SGSM2: variants seen among roughly 807,000 people sequenced by gnomAD.
The protein encoded by SGSM2 is RUN and TBC1 domain containing 1.
SGSM2 carries 89 observed loss-of-function variants against 126.6 expected under a neutral mutation model. The observed-to-expected ratio is 0.70, with a 90% CI of 0.59 to 0.84. The LOEUF is 0.84. Ranked by LOEUF, SGSM2 falls within the 40% of genes least tolerant of loss-of-function variation. The probability of loss-of-function intolerance (pLI) is 0.00; values close to 1 mark genes in which losing one functional copy is unlikely to be tolerated. For missense variants in SGSM2, 1,404 were observed against 1,416.6 expected (o/e 0.99, Z 0.14); for synonymous variants, 614 against 574.3 (o/e 1.07, Z -0.99).
Position 2,362,245 on chromosome 17 carries a change from G to T in SGSM2, c.433G>T (p.Val145Leu). Residue 145 changes from valine (V) to leucine (L), a missense_variant, in exon 4 of 24, where the codon GTG becomes TTG. Coordinates refer to ENST00000268989, the MANE Select transcript of SGSM2 (RefSeq NM_014853.3). The surrounding 1 kb of genome is among the most constrained non-coding windows in gnomAD (Gnocchi z 4.9). The part of the protein sequence containing the change: ...ALIEKVLDKV[V>L]QYLAENCSKY... ...CATCGAGAAAGTTCTGGACAAGGTCGTGCAATACCTGGCGGAAAACTGCAG... is the reference window on the plus strand; with the variant it reads ...CATCGAGAAAGTTCTGGACAAGGTCTTGCAATACCTGGCGGAAAACTGCAG... The T allele has an allele frequency of 6.2e-7, 1 of 1,612,652 alleles. No individual in the cohort carries two copies. The highest frequency in any genetic ancestry group is 8.5e-7 in the Non-Finnish European group (1 of 1,179,534).
At chr17:2,344,080 G>T (rs1043242602) in intron 2 of SGSM2, among the ~76,000 whole-genome samples, 13 of 152,116 alleles carry the variant, frequency 8.5e-5, no homozygotes, top group African/African-American at 3.1e-4. Flanking sequence ...TTTCCCACCC[G>T]TGTTGCTCCA....
intron 12 of SGSM2, among the ~76,000 whole-genome samples, chr17:2,368,637 G>T (rs2151599852): frequency 6.6e-6 from 1 of 152,258 alleles, no homozygotes; most frequent in East Asian, 1.9e-4. Context: ...CCCTCCTACT[G>T]CCAGGCGCCT....
chr17:2,357,609 T>G (rs2065135510), intron 2 of SGSM2, among the ~76,000 whole-genome samples: 1 of 152,194 alleles, frequency 6.6e-6, no homozygotes, highest in Non-Finnish European at 1.5e-5. Flanking sequence ...GCAATTCTTC[T>G]GCCTCAACCT....
At chr17:2,369,949 G>A (rs975525464) in intron 12 of SGSM2, among the ~76,000 whole-genome samples, 1 of 152,178 alleles carries the variant, frequency 6.6e-6, no homozygotes, top group Admixed American at 6.5e-5. Flanking sequence ...TGGAGCTGAA[G>A]GGCCAGATAT....
Position 2,380,687 on chromosome 17 carries a change from G to A in SGSM2, c.*1167G>A. The A allele has an allele frequency of 3.2e-6, 1 of 316,680 alleles. No individual in the cohort carries two copies. The highest frequency in any genetic ancestry group is 6.1e-6 in the Non-Finnish European group (1 of 164,760). The allele number at this position is 316,680 out of a possible 1,614,324, so 19.6% of individuals were successfully genotyped here. A position where few individuals can be genotyped will look rare whatever the true frequency, so the allele number is the denominator to read the frequency against. Reference sequence around the variant, plus strand: ...CACTTCCTCCTCTACCCCAACACATGCAGGCTAGGCCTTGCCCTGGAACAT... The same window carrying A: ...CACTTCCTCCTCTACCCCAACACATACAGGCTAGGCCTTGCCCTGGAACAT... On this transcript the variant is annotated 3_prime_UTR_variant, in exon 24 of 24. Transcript: ENST00000268989.
chr17:2,350,736 G>C (rs973091459), intron 2 of SGSM2, among the ~76,000 whole-genome samples: 1 of 152,216 alleles, frequency 6.6e-6, no homozygotes, highest in Non-Finnish European at 1.5e-5. Flanking sequence ...AGGAACGAGA[G>C]GAAGGCAGGG....
rs777283994 is a variant in SGSM2 at position 2,364,165 on chromosome 17, ACTC to A, written c.916_918del (p.Ser306del). On this transcript the variant is annotated inframe_deletion, in exon 8 of 24. Coordinates refer to ENST00000268989, the MANE Select transcript of SGSM2 (RefSeq NM_014853.3). Reference sequence around the variant, plus strand: ...CAGCTCATGAATGGGACTCTGGGGGACTCCGAGCTGGAAAAGAGGTGGGGGCTT... The same window carrying A: ...CAGCTCATGAATGGGACTCTGGGGGACGAGCTGGAAAAGAGGTGGGGGCTT... 84 of 1,613,524 alleles carry A rather than the reference ACTC, an allele frequency of 5.2e-5. No homozygotes were observed. Among genetic ancestry groups the A allele is most frequent in the Non-Finnish European group, 7.0e-5 (83 of 1,179,946 alleles).
rs767629912 is a variant in SGSM2 at position 2,363,025 on chromosome 17, C to T, written c.563C>T (p.Thr188Ile). 5 of 1,614,054 alleles carry T rather than the reference C, an allele frequency of 3.1e-6. No individual in the cohort carries two copies. The highest frequency in any genetic ancestry group is 4.2e-6 in the Non-Finnish European group (5 of 1,180,048). Reference sequence around the variant, plus strand: ...GCCTTGGAATACACTAAGCTCAAGACAGCCGATCACTACTGGACTGACCCC... The same window carrying T: ...GCCTTGGAATACACTAAGCTCAAGATAGCCGATCACTACTGGACTGACCCC... Reference protein sequence around the residue: ...PCALEYTKLKTADHYWTDPSA... With the variant: ...PCALEYTKLKIADHYWTDPSA... Residue 188 changes from threonine to isoleucine, a missense_variant, in exon 6 of 24, where the codon ACA becomes ATA. Coordinates refer to ENST00000268989, the MANE Select transcript of SGSM2 (RefSeq NM_014853.3). The surrounding 1 kb of genome is among the most constrained non-coding windows in gnomAD (Gnocchi z 4.2).
chr17:2,347,475 T>C (rs2064650199), intron 2 of SGSM2, among the ~76,000 whole-genome samples: 1 of 151,768 alleles, frequency 6.6e-6, no homozygotes. Flanking sequence ...CTTTGATATA[T>C]CCTTTTATCC....
intron 2 of SGSM2, among the ~76,000 whole-genome samples, chr17:2,351,074 A>T (rs1050400776): frequency 5.9e-5 from 9 of 152,064 alleles, no homozygotes; most frequent in Admixed American, 5.9e-4. Context: ...CCATCATGGT[A>T]AAACCCCTTC....
rs777105277 is a variant in SGSM2 at position 2,375,842 on chromosome 17, G to A, written c.2451G>A (p.Glu817=). Residue 817 remains glutamate (E), a synonymous_variant, in exon 18 of 24, where the codon GAG becomes GAA. Coordinates refer to ENST00000268989, the MANE Select transcript of SGSM2 (RefSeq NM_014853.3). The stretch of plus-strand genomic sequence containing the variant: ...AGGCCGGAGAACTGGAGGCCGGAGA[G>A]GAGCTTGCGGCTGTGTGTGCGGCTG... ...KPQAGELEAG[E]ELAAVCAAAY... 6.5e-6 allele frequency: 10 copies of A among 1,534,354 alleles called. No individual in the cohort carries two copies. The Admixed American group carries it at 9.8e-5, about 15-fold the overall frequency.
chr17:2,341,690 C>T (rs1159646827), intron 1 of SGSM2, among the ~76,000 whole-genome samples: 1 of 152,208 alleles, frequency 6.6e-6, no homozygotes, highest in African/African-American at 2.4e-5. Flanking sequence ...ACTAGGACTG[C>T]CTGCTAGCAG....
chr17:2,367,611 G>A lies in SGSM2; in HGVS notation c.1423+206G>A, dbSNP rs1160513192. Among the ~76,000 whole-genome samples the A allele has an allele frequency of 6.6e-6, 1 of 152,236 alleles. No homozygotes were observed. Reference sequence around the variant, plus strand: ...GAAAAGGGGCTGGCCCAGGGCAGGTGGCTCCAGGCTGTGAGGAGGAAGAGG... The same window carrying A: ...GAAAAGGGGCTGGCCCAGGGCAGGTAGCTCCAGGCTGTGAGGAGGAAGAGG... On this transcript the variant is annotated intron_variant, in intron 12 of 23. Transcript: ENST00000268989. The surrounding 1 kb of genome is among the most constrained non-coding windows in gnomAD (Gnocchi z 4.0).
In SGSM2 at chr17:2,363,437, G is replaced by A. The variant is rs1035681502; in HGVS notation, c.673-28G>A. On this transcript the variant is annotated intron_variant, in intron 6 of 23. Coordinates refer to ENST00000268989, the MANE Select transcript of SGSM2 (RefSeq NM_014853.3). This position sits in a 1 kb window ranked among gnomAD's most constrained non-coding sequence, Gnocchi z 4.2. ...GCCTTGAGGCCAGTTTCCCAAGGCT[G>A]GAGGCTGAGCCCCGGCCTTCCACAC... is the stretch of plus-strand genomic sequence containing the variant. 5.0e-6 allele frequency: 8 copies of A among 1,611,692 alleles called. No individual in the cohort carries two copies. The African/African-American group carries it at 9.3e-5, about 19-fold the overall frequency.
At chr17:2,364,309 A>G in intron 8 of SGSM2, 126 bp downstream of exon 8, 2 of 1,265,416 alleles carry the variant, frequency 1.6e-6, no homozygotes, top group Non-Finnish European at 2.2e-6. Context: ...CGCCAAGAAT[A>G]GCAGGGAGCG....
chr17:2,350,469 G>A (rs111633620), intron 2 of SGSM2, among the ~76,000 whole-genome samples: 15,857 of 151,652 alleles, frequency 0.1, 1,476 homozygotes, highest in African/African-American at 0.25. Flanking sequence ...AATGTGCCGG[G>A]TGTGGTGGCG....
At position 2,372,955 on chromosome 17, in the gene SGSM2, C is replaced by T. The variant is rs750187025; in HGVS notation, c.1791C>T (p.Asn597=). The T allele has an allele frequency of 5.1e-6, 8 of 1,562,652 alleles. No individual in the cohort carries two copies. In the Admixed American group the frequency reaches 1.5e-4, roughly 30 times the overall value. The change falls in exon 16 of 24, where the codon AAC becomes AAT. Residue 597 remains asparagine, a splice_region_variant and synonymous_variant. Transcript: ENST00000268989. This position sits in a 1 kb window ranked among gnomAD's most constrained non-coding sequence, Gnocchi z 6.0. The part of the protein sequence containing the change: ...VWSKYQKDKK[N]YKELELLRQV... ...TCTTGACTCCCCGGGTCCCTCAGAACTACAAAGAGCTGGAGCTGCTGCGGC... is the reference window on the plus strand; with the variant it reads ...TCTTGACTCCCCGGGTCCCTCAGAATTACAAAGAGCTGGAGCTGCTGCGGC...
chr17:2,342,455 C>T (rs972581179), intron 1 of SGSM2, among the ~76,000 whole-genome samples: 6 of 151,722 alleles, frequency 4.0e-5, no homozygotes, highest in Non-Finnish European at 8.8e-5. Context: ...GTATAAAAAC[C>T]CACAAAACTG....
chr17:2,371,194 G>A, intron 12 of SGSM2, 68 bp from the exon 13 acceptor site: 3 of 1,500,028 alleles, frequency 2.0e-6, no homozygotes, highest in South Asian at 2.5e-5. Context: ...ACAGAGGTGG[G>A]CATGGTGCAG....
Sources: gnomAD v4.1 joint callset for allele counts (sites outside exome capture counted in the v4.1 genomes callset) on GRCh38, gnomAD v4.1.1 for gene constraint, Gnocchi (gnomAD v3.1) non-coding constraint, MANE v1.5 for transcripts, NCBI Gene and HGNC (gene_info 2026-07-23, HGNC 2026-07-21) for gene names.